FMN2: variants seen among roughly 807,000 people sequenced by gnomAD.
FMN2 encodes the protein formin-2.
FMN2 carries 51 observed loss-of-function variants against 142.3 expected under a neutral mutation model. The ratio of observed to expected loss-of-function variants is 0.36; its 90% CI spans 0.29 to 0.45. FMN2 has a LOEUF of 0.45. FMN2 is among the 20% of genes least tolerant of loss of function. The pLI is 1.00. For synonymous variants in FMN2, 882 were observed against 869.8 expected (o/e 1.01, Z -0.25); for missense variants, 1,936 against 2,122.8 (o/e 0.91, Z 1.73).
At chr1:240,433,697 AC>A (rs1292876391) in intron 15 of FMN2, among the ~76,000 whole-genome samples, 1 of 152,080 alleles carries the variant, frequency 6.6e-6, no homozygotes, top group Admixed American at 6.6e-5. Context: ...GTTAGCCCTG[AC>A]CCTTTTCAGG....
intron 7 of FMN2, among the ~76,000 whole-genome samples, chr1:240,287,117 A>G (rs1450869922): frequency 6.6e-6 from 1 of 152,230 alleles, no homozygotes; most frequent in Non-Finnish European, 1.5e-5. Context: ...TGAAATATAC[A>G]GTGAAACAAA....
intron 6 of FMN2, among the ~76,000 whole-genome samples, chr1:240,248,101 A>G (rs1000846032): frequency 1.3e-5 from 2 of 151,516 alleles, no homozygotes; most frequent in Non-Finnish European, 2.9e-5. Context: ...CTCCCCCTCC[A>G]CCACCCACCC....
At chr1:240,116,010 AC>A (rs1398685874) in intron 1 of FMN2, among the ~76,000 whole-genome samples, 3 of 152,182 alleles carry the variant, frequency 2.0e-5, no homozygotes, top group African/African-American at 7.2e-5. Context: ...GTATTTGTAA[AC>A]TGTCCTGGCG....
chr1:240,144,053 G>T (rs1473892890), intron 2 of FMN2: 2 of 1,105,784 alleles, frequency 1.8e-6, no homozygotes, highest in Admixed American at 1.7e-5. Context: ...AAGAATTCCT[G>T]ACTTAATGTA....
intron 4 of FMN2, among the ~76,000 whole-genome samples, chr1:240,193,551 G>T (rs1665796949): frequency 6.6e-6 from 1 of 152,208 alleles, no homozygotes; most frequent in African/African-American, 2.4e-5. Context: ...GATCAGAGAA[G>T]AGAGTAAAGG....
Position 240,338,738 on chromosome 1 carries a change from A to G in FMN2, c.4765+4509A>G, listed in dbSNP as rs147081166. 1.9e-3 allele frequency among the ~76,000 whole-genome samples: 290 copies of G among 152,300 alleles called. 1 individual carries two copies. Among genetic ancestry groups the G allele is most frequent in the African/African-American group, 6.4e-3 (265 of 41,558 alleles). On this transcript the variant is annotated intron_variant, in intron 13 of 17. Transcript: ENST00000319653. ...TTCATGGAAGACAGTTTTTCCGTGG[A>G]CAAGCCAGTGGGGGATGGTTTCAGG... is the stretch of plus-strand genomic sequence containing the variant.
chr1:240,220,536 C>A (rs1005180207), intron 6 of FMN2, among the ~76,000 whole-genome samples: 1 of 151,964 alleles, frequency 6.6e-6, no homozygotes, highest in Non-Finnish European at 1.5e-5. Context: ...GGTGTGAATA[C>A]ACACCTGCCA....
intron 15 of FMN2, among the ~76,000 whole-genome samples, chr1:240,407,135 C>A: frequency 6.6e-6 from 1 of 150,412 alleles, no homozygotes; most frequent in African/African-American, 2.5e-5. Flanking sequence ...ATTACAGCTA[C>A]AATACTTTTT....
At chr1:240,253,594 G>A (rs1668352592) in intron 6 of FMN2, among the ~76,000 whole-genome samples, 1 of 152,062 alleles carries the variant, frequency 6.6e-6, no homozygotes, top group African/African-American at 2.4e-5. Flanking sequence ...GGAACTTCAT[G>A]AATGTCTTTT....
intron 7 of FMN2, among the ~76,000 whole-genome samples, chr1:240,264,362 T>C (rs1181902907): frequency 6.6e-6 from 1 of 152,178 alleles, no homozygotes; most frequent in Non-Finnish European, 1.5e-5. Flanking sequence ...TACATATTCT[T>C]TTTTAAATTT....
intron 2 of FMN2, among the ~76,000 whole-genome samples, chr1:240,136,149 A>G (rs773523077): frequency 2.6e-5 from 4 of 151,802 alleles, no homozygotes; most frequent in Non-Finnish European, 4.4e-5. Context: ...GCCTATTTTG[A>G]GATTATTTTA....
At chr1:240,470,142 A>G (rs1051819675) in intron 16 of FMN2, among the ~76,000 whole-genome samples, 8 of 152,066 alleles carry the variant, frequency 5.3e-5, no homozygotes, top group African/African-American at 1.9e-4. Flanking sequence ...TTGGAATGCC[A>G]CAAAATGCTT....
At chr1:240,270,711 A>G (rs10926193) in intron 7 of FMN2, among the ~76,000 whole-genome samples, 41,761 of 151,928 alleles carry the variant, frequency 0.27, 5,922 homozygotes, top group Middle Eastern at 0.35. Context: ...CCTAGAAGAC[A>G]TTATGTTAAG....
intron 7 of FMN2, among the ~76,000 whole-genome samples, chr1:240,280,158 C>T (rs1295143499): frequency 6.6e-6 from 1 of 151,980 alleles, no homozygotes; most frequent in East Asian, 1.9e-4. Flanking sequence ...CTTAGTTCTT[C>T]CCCCTACCTC....
intron 6 of FMN2, among the ~76,000 whole-genome samples, chr1:240,236,420 T>C (rs1667712756): frequency 6.6e-6 from 1 of 152,206 alleles, no homozygotes; most frequent in Admixed American, 6.5e-5. Context: ...TCCAGAATCA[T>C]TAGACTTTTT....
At chr1:240,445,702 G>GTTTTTTT (rs34849609) in intron 16 of FMN2, among the ~76,000 whole-genome samples, 2 of 143,344 alleles carry the variant, frequency 1.4e-5, no homozygotes, top group African/African-American at 5.2e-5. Context: ...CCATCAAAGG[G>GTTTTTTT]TTTTTTTTTT....
At chr1:240,265,379 G>T (rs1434750064) in intron 7 of FMN2, among the ~76,000 whole-genome samples, 1 of 152,022 alleles carries the variant, frequency 6.6e-6, no homozygotes, top group Non-Finnish European at 1.5e-5. Flanking sequence ...ACAACATTTT[G>T]GTCAACAACA....
chr1:240,361,166 T>TATATATAC (rs1672463603), intron 14 of FMN2, among the ~76,000 whole-genome samples: 1 of 40,304 alleles, frequency 2.5e-5, no homozygotes, highest in Non-Finnish European at 4.6e-5. Flanking sequence ...TATATATATA[T>TATATATAC]ATATATATAT....
chr1:240,155,266 A>G (rs1663973390), intron 2 of FMN2, among the ~76,000 whole-genome samples: 1 of 152,018 alleles, frequency 6.6e-6, no homozygotes, highest in Admixed American at 6.6e-5. Context: ...ATCATGAAAG[A>G]GACTATAAAT....
Sources: allele counts gnomAD v4.1 joint callset (sites outside exome capture counted in the v4.1 genomes callset), GRCh38; gene constraint gnomAD v4.1.1; transcripts MANE v1.5; gene names NCBI Gene and HGNC (gene_info 2026-07-23, HGNC 2026-07-21).